Variants in ARHGAP28 observed in about 807,000 individuals in gnomAD.
ARHGAP28 encodes Rho GTPase activating protein 28, also known as rho GTPase-activating protein 28.
Under a neutral mutation model 90.7 loss-of-function variants are expected in ARHGAP28, and 56 were observed. The ratio of observed to expected loss-of-function variants is 0.62; its 90% CI spans 0.50 to 0.77. The LOEUF is 0.77. ARHGAP28 is among the 30% of genes least tolerant of loss of function. ARHGAP28 has a pLI of 0.00. For missense variants in ARHGAP28, 869 were observed against 900.9 expected, an observed-to-expected ratio of 0.96 and a Z score of 0.45; for synonymous variants, 308 against 323.3, an observed-to-expected ratio of 0.95 and a Z score of 0.51.
chr18:6,808,091 C>A (rs1465702486), intron 1 of ARHGAP28, among the ~76,000 whole-genome samples: 2 of 152,100 alleles, frequency 1.3e-5, no homozygotes, highest in Non-Finnish European at 2.9e-5. Flanking sequence ...GTTCCTGTTA[C>A]TCCATCTCGG....
chr18:6,887,430 G>GCTT (rs2057230864), intron 12 of ARHGAP28, among the ~76,000 whole-genome samples, 191 bp downstream of exon 12: 1 of 138,144 alleles, frequency 7.2e-6, no homozygotes, highest in Non-Finnish European at 1.5e-5. Context: ...TTGGTATCTT[G>GCTT]TTTTTTTTTT....
intron 6 of ARHGAP28, among the ~76,000 whole-genome samples, chr18:6,869,250 A>ATTTTTTTTTTTTTTTTT (rs2057062449): frequency 9.6e-6 from 1 of 103,810 alleles, no homozygotes; most frequent in Non-Finnish European, 2.0e-5. Flanking sequence ...TCCTTTTGCC[A>ATTTTTTTTTTTTTTTTT]TTCTTTTTTT....
At chr18:6,736,424 A>T (rs554696515) in intron 1 of ARHGAP28, among the ~76,000 whole-genome samples, 3 of 151,996 alleles carry the variant, frequency 2.0e-5, no homozygotes, top group Non-Finnish European at 4.4e-5. Flanking sequence ...TTTTGGAAGC[A>T]AATGTTTATT....
At chr18:6,871,529 C>T (rs1044970838) in intron 7 of ARHGAP28, among the ~76,000 whole-genome samples, 1 of 152,050 alleles carries the variant, frequency 6.6e-6, no homozygotes, top group Non-Finnish European at 1.5e-5. Context: ...GAGCTATATA[C>T]TTTGTTACCC....
chr18:6,746,813 AAGAG>A (rs1337592538), intron 1 of ARHGAP28, among the ~76,000 whole-genome samples: 1 of 152,180 alleles, frequency 6.6e-6, no homozygotes, highest in Non-Finnish European at 1.5e-5. Flanking sequence ...GAGAAAGAGA[AAGAG>A]AGAGAAACGG....
At chr18:6,786,263 T>C (rs1371232925) in intron 1 of ARHGAP28, among the ~76,000 whole-genome samples, 2 of 152,220 alleles carry the variant, frequency 1.3e-5, no homozygotes, top group African/African-American at 2.4e-5. Context: ...TTTTTCTATT[T>C]TATTTTTCCT....
intron 3 of ARHGAP28, among the ~76,000 whole-genome samples, chr18:6,840,335 T>G (rs553961666): frequency 6.6e-6 from 1 of 152,338 alleles, no homozygotes; most frequent in Admixed American, 6.5e-5. Flanking sequence ...GAAACTGCAT[T>G]TCTAGGCTTT....
At chr18:6,887,278 T>C (rs2143693220) in intron 12 of ARHGAP28, 39 bp downstream of exon 12, 1 of 1,584,890 alleles carries the variant, frequency 6.3e-7, no homozygotes, top group Non-Finnish European at 8.7e-7. Flanking sequence ...CTGGGGCTCT[T>C]ATTGCTCAGA....
intron 1 of ARHGAP28, among the ~76,000 whole-genome samples, chr18:6,799,969 CA>C: frequency 6.6e-6 from 1 of 152,034 alleles, no homozygotes; most frequent in Non-Finnish European, 1.5e-5. Context: ...ATCCATCTGA[CA>C]AAGGGATGAT....
At chr18:6,805,871 G>A (rs2056515245) in intron 1 of ARHGAP28, among the ~76,000 whole-genome samples, 3 of 151,654 alleles carry the variant, frequency 2.0e-5, no homozygotes, top group South Asian at 4.2e-4. Flanking sequence ...ATTTTTATTT[G>A]CTTTATATTT....
In ARHGAP28 at chr18:6,824,861, C is replaced by G; in HGVS notation, c.222C>G (p.Asp74Glu). ...FSRSNSEASV[D>E]SASMEDFWRE... is the part of the protein sequence containing the mutation. ...GTTCCAACTCAGAAGCCTCCGTAGA[C>G]AGCGCCTCCATGGAGGATTTCTGGC... Residue 74 changes from aspartate (D) to glutamate (E), a missense_variant, in exon 2 of 18, where the codon GAC (aspartate) becomes GAG (glutamate). Transcript: ENST00000383472. The G allele has an allele frequency of 6.5e-7, 1 of 1,536,390 alleles. No individual in the cohort carries two copies. The highest frequency in any genetic ancestry group is 8.7e-7 in the Non-Finnish European group (1 of 1,146,944).
chr18:6,731,683 A>T (rs1343454574), intron 1 of ARHGAP28, among the ~76,000 whole-genome samples: 8 of 152,128 alleles, frequency 5.3e-5, no homozygotes, highest in Non-Finnish European at 1.0e-4. Context: ...CAACCCAATC[A>T]CAAGAGAATA....
At chr18:6,841,179 TC>T (rs776210100) in intron 3 of ARHGAP28, among the ~76,000 whole-genome samples, 4,132 of 66,414 alleles carry the variant, frequency 0.062, 193 homozygotes, top group African/African-American at 0.14. Flanking sequence ...TCTCTCTCTC[TC>T]CTCTCTCTCT....
intron 1 of ARHGAP28, among the ~76,000 whole-genome samples, chr18:6,739,045 T>C (rs939033623): frequency 2.6e-5 from 4 of 152,194 alleles, no homozygotes; most frequent in African/African-American, 9.7e-5. Context: ...AGTTATTCTT[T>C]AAAACTGTTT....
chr18:6,740,446 C>A (rs2055966776), intron 1 of ARHGAP28, among the ~76,000 whole-genome samples: 1 of 152,152 alleles, frequency 6.6e-6, no homozygotes, highest in Non-Finnish European at 1.5e-5. Flanking sequence ...ATGATGCCAA[C>A]CTCAGATGAG....
Position 6,777,834 on chromosome 18 carries a change from G to A in ARHGAP28, c.123-46928G>A, listed in dbSNP as rs1352877060. On this transcript the variant is annotated intron_variant, in intron 1 of 17. Transcript: ENST00000383472. The stretch of plus-strand genomic sequence containing the variant: ...ATGGACAAGGTTGTGGGGAGAGGCT[G>A]GGGCTGCTTCAAGTAGAAAGATATT... 5.9e-5 allele frequency among the ~76,000 whole-genome samples: 9 copies of A among 152,096 alleles called. No individual in the cohort carries two copies. The East Asian group carries it at 1.7e-3, about 29-fold the overall frequency.
At position 6,873,784 on chromosome 18, in the gene ARHGAP28, C is replaced by A. The variant is rs1196777498; in HGVS notation, c.1212+9C>A. 6.2e-7 allele frequency: 1 copy of A among 1,609,676 alleles called. No individual in the cohort carries two copies. The highest frequency in any genetic ancestry group is 8.5e-7 in the Non-Finnish European group (1 of 1,176,654). ...CCCTGGTATTACAAAAAGTGAGTAG[C>A]AGGCAAATGAAAGGGGAATTCACAG... On this transcript the variant is annotated intron_variant, in intron 9 of 17. Coordinates refer to ENST00000383472, the MANE Select transcript of ARHGAP28 (RefSeq NM_001366230.1).
At chr18:6,898,828 A>C in intron 16 of ARHGAP28, 2 of 995,506 alleles carry the variant, frequency 2.0e-6, no homozygotes, top group South Asian at 7.1e-5. Flanking sequence ...AGTGGGAGCT[A>C]AGCTGTGAGG....
At chr18:6,790,825 G>C (rs942129699) in intron 1 of ARHGAP28, 4 of 152,098 alleles carry the variant, frequency 2.6e-5, no homozygotes, top group Admixed American at 2.0e-4. Flanking sequence ...AGGGAAACCG[G>C]GAGACAGTGT....
Sources: allele counts gnomAD v4.1 joint callset (sites outside exome capture counted in the v4.1 genomes callset), GRCh38; gene constraint gnomAD v4.1.1; transcripts MANE v1.5; gene names NCBI Gene and HGNC (gene_info 2026-07-23, HGNC 2026-07-21).